FAT4: variants seen among roughly 807,000 people sequenced by gnomAD.
The protein encoded by FAT4 is protocadherin Fat 4.
FAT4 carries 84 observed loss-of-function variants against 303.9 expected under a neutral mutation model. The ratio of observed to expected loss-of-function variants is 0.28; its 90% CI spans 0.23 to 0.33. The LOEUF (loss-of-function observed/expected upper bound fraction) is 0.33. Ranked by LOEUF, FAT4 falls within the 10% of genes least tolerant of loss-of-function variation. FAT4 has a pLI of 1.00. For synonymous variants in FAT4, 2,307 were observed against 2,298.8 expected, an observed-to-expected ratio of 1.00 and a Z score of -0.10; for missense variants, 6,005 against 6,146.8, an observed-to-expected ratio of 0.98 and a Z score of 0.77.
intron 8 of FAT4, among the ~76,000 whole-genome samples, chr4:125,445,835 G>C (rs1481517688): frequency 6.6e-6 from 1 of 152,020 alleles, no homozygotes; most frequent in African/African-American, 2.4e-5. Context: ...GTCAAATACA[G>C]GTTTTGTCTT....
At chr4:125,401,845 A>G (rs1734401220) in intron 3 of FAT4, among the ~76,000 whole-genome samples, 1 of 151,878 alleles carries the variant, frequency 6.6e-6, no homozygotes, top group Non-Finnish European at 1.5e-5. Flanking sequence ...TTTGAAATTT[A>G]TAGCTATTTA....
At chr4:125,324,411 A>G (rs1002798376) in intron 2 of FAT4, among the ~76,000 whole-genome samples, 3 of 152,266 alleles carry the variant, frequency 2.0e-5, no homozygotes, top group Non-Finnish European at 2.9e-5. Flanking sequence ...GGTGCTCCAT[A>G]CATGTTTGCT....
At chr4:125,338,653 C>T (rs1431299979) in intron 2 of FAT4, among the ~76,000 whole-genome samples, 3 of 152,050 alleles carry the variant, frequency 2.0e-5, no homozygotes. Context: ...TAAAAGATTG[C>T]TGTGATGAAA....
chr4:125,346,867 A>C (rs1732022387), intron 2 of FAT4, among the ~76,000 whole-genome samples: 1 of 152,010 alleles, frequency 6.6e-6, no homozygotes, highest in Admixed American at 6.6e-5. Flanking sequence ...GAAGATTTAA[A>C]ACAAAGCTGT....
Position 125,491,397 on chromosome 4 carries a change from A to G in FAT4, c.14581A>G (p.Lys4861Glu). The G allele has an allele frequency of 1.9e-6, 3 of 1,614,144 alleles. No individual in the cohort carries two copies. Among genetic ancestry groups the G allele is most frequent in the Non-Finnish European group, 2.5e-6 (3 of 1,179,986 alleles). ...TCSEMEYDRE[K>E]PMVYTSRMPK... is the part of the protein sequence containing the mutation. ...CTCAGAAATGGAATATGACAGGGAGAAGCCAATGGTATATACTTCCAGAAT... is the reference window on the plus strand; with the variant it reads ...CTCAGAAATGGAATATGACAGGGAGGAGCCAATGGTATATACTTCCAGAAT... The change falls in exon 18 of 18, where the codon AAG becomes GAG. Residue 4861 changes from lysine to glutamate, a missense_variant. Lys to Glu is a moderately conservative substitution (Grantham distance 56). Transcript: ENST00000394329.
At chr4:125,383,970 A>G (rs1431400928) in intron 2 of FAT4, among the ~76,000 whole-genome samples, 2 of 152,218 alleles carry the variant, frequency 1.3e-5, no homozygotes, top group Admixed American at 6.5e-5. Context: ...TTCATTGAGC[A>G]TAAGAGGGAT....
chr4:125,382,621 A>C (rs2126000010), intron 2 of FAT4, among the ~76,000 whole-genome samples: 1 of 152,256 alleles, frequency 6.6e-6, no homozygotes, highest in African/African-American at 2.4e-5. Context: ...GAATGGTAAA[A>C]GATCAGTGGC....
chr4:125,435,182 TATG>T (rs1331768314), intron 8 of FAT4, among the ~76,000 whole-genome samples: 2 of 152,226 alleles, frequency 1.3e-5, no homozygotes, highest in Non-Finnish European at 2.9e-5. Context: ...AGAACACAAA[TATG>T]ATAACTTGTT....
intron 12 of FAT4, among the ~76,000 whole-genome samples, chr4:125,473,246 C>G (rs1486707057): frequency 6.6e-6 from 1 of 151,938 alleles, no homozygotes; most frequent in Non-Finnish European, 1.5e-5. Flanking sequence ...CCACATATAA[C>G]CTTTTGAAGT....
chr4:125,324,317 C>A, intron 2 of FAT4, among the ~76,000 whole-genome samples: 1 of 145,452 alleles, frequency 6.9e-6, no homozygotes, highest in Middle Eastern at 3.4e-3. Flanking sequence ...AACTTAGGAA[C>A]GTGGTTAGAC....
At position 125,488,753 on chromosome 4, in the gene FAT4, G is replaced by A. The variant is rs538070485; in HGVS notation, c.13084+1147G>A. Among the ~76,000 whole-genome samples, 20 of 152,246 alleles carry A rather than the reference G, an allele frequency of 1.3e-4. 1 individual carries two copies. The highest frequency in any genetic ancestry group is 4.3e-4 in the African/African-American group (18 of 41,554). On this transcript the variant is annotated intron_variant, in intron 17 of 17. Transcript: ENST00000394329. ...ATGGATGGGCTGGAAATCAGAAATA[G>A]ACTTTAGCTGGAAATATATATTTAA... is the stretch of plus-strand genomic sequence containing the variant.
chr4:125,487,382 G>T lies in FAT4; in HGVS notation c.12860G>T (p.Gly4287Val). Residue 4287 changes from glycine (G) to valine (V), a missense_variant, in exon 17 of 18, where the codon GGA (glycine) becomes GTA (valine). Gly to Val is a moderately radical substitution (Grantham distance 109). Coordinates refer to ENST00000394329, the MANE Select transcript of FAT4 (RefSeq NM_001291303.3). ...NGKVYFTSDA[G>V]IAGKVERNIP... ...AAAGTATATTTTACATCCGATGCAG[G>T]AATTGCTGGGAAAGTGGAGAGAAAT... 1 of 1,613,850 alleles carries T rather than the reference G, an allele frequency of 6.2e-7. No individual in the cohort carries two copies. The highest frequency in any genetic ancestry group is 1.1e-5 in the South Asian group (1 of 91,048).
intron 2 of FAT4, among the ~76,000 whole-genome samples, chr4:125,324,451 A>G (rs1731077061): frequency 6.6e-6 from 1 of 152,174 alleles, no homozygotes; most frequent in Non-Finnish European, 1.5e-5. Flanking sequence ...CTAAGATCAG[A>G]ACATATGTCT....
chr4:125,451,618 C>T lies in FAT4; in HGVS notation c.10608C>T (p.Asp3536=). The change falls in exon 10 of 18, where the codon GAC becomes GAT. Residue 3536 remains aspartate (D), a synonymous_variant. Transcript: ENST00000394329. The part of the protein sequence containing the change: ...GTLVMTLQST[D]PDLPPNQGPF... Reference sequence around the variant, plus strand: ...TGGTGATGACCCTTCAGTCCACTGACCCTGATCTCCCTCCAAATCAAGGTC... The same window carrying T: ...TGGTGATGACCCTTCAGTCCACTGATCCTGATCTCCCTCCAAATCAAGGTC... The T allele has an allele frequency of 6.2e-7, 1 of 1,614,110 alleles. No homozygotes were observed. The highest frequency in any genetic ancestry group is 2.2e-5 in the East Asian group (1 of 44,858).
intron 9 of FAT4, among the ~76,000 whole-genome samples, chr4:125,447,097 T>G (rs1725852542): frequency 6.6e-6 from 1 of 152,160 alleles, no homozygotes; most frequent in Non-Finnish European, 1.5e-5. Flanking sequence ...TTAGCAAGTT[T>G]ATGGATCCAT....
intron 2 of FAT4, among the ~76,000 whole-genome samples, chr4:125,386,575 T>C (rs2126003040): frequency 6.6e-6 from 1 of 152,160 alleles, no homozygotes; most frequent in African/African-American, 2.4e-5. Context: ...TGGCCCTGAG[T>C]TTAGAAAAAT....
Position 125,416,524 on chromosome 4 carries a change from C to T in FAT4, c.6920C>T (p.Ala2307Val), listed in dbSNP as rs1478619435. 1.9e-6 allele frequency: 3 copies of T among 1,613,830 alleles called. No individual in the cohort carries two copies. Among genetic ancestry groups the T allele is most frequent in the East Asian group, 4.5e-5 (2 of 44,896 alleles). Residue 2307 changes from alanine to valine, a missense_variant, in exon 7 of 18, where the codon GCT (alanine) becomes GTT (valine). Physicochemically the swap from Ala to Val is moderately conservative, Grantham distance 64. Transcript: ENST00000394329. ...CTGTTTGGTGGTAATGAAGACAATG[C>T]TTTTACTCTCTCAGCCAGTGGAGAA... is the stretch of plus-strand genomic sequence containing the variant. ...YVLFGGNEDN[A>V]FTLSASGELG...
At position 125,348,785 on chromosome 4, in the gene FAT4, T is replaced by C. The variant is rs904078722; in HGVS notation, c.5175+27199T>C. Among the ~76,000 whole-genome samples, 16 of 151,720 alleles carry C rather than the reference T, an allele frequency of 1.1e-4. 1 individual carries two copies. Among genetic ancestry groups the C allele is most frequent in the Admixed American group, 3.3e-4 (5 of 15,170 alleles). ...AGCCGACATCTTTTTCCTAAAAGGGTGTGCTGAGTTTATTATGAAATTAAA... is the reference window on the plus strand; with the variant it reads ...AGCCGACATCTTTTTCCTAAAAGGGCGTGCTGAGTTTATTATGAAATTAAA... On this transcript the variant is annotated intron_variant, in intron 2 of 17. Coordinates refer to ENST00000394329, the MANE Select transcript of FAT4 (RefSeq NM_001291303.3).
At chr4:125,343,973 G>A (rs1292246343) in intron 2 of FAT4, among the ~76,000 whole-genome samples, 3 of 152,232 alleles carry the variant, frequency 2.0e-5, no homozygotes, top group Middle Eastern at 3.4e-3. Flanking sequence ...TAAAGACTTG[G>A]TATGGGATGT....
Sources: allele counts gnomAD v4.1 joint callset (sites outside exome capture counted in the v4.1 genomes callset), GRCh38; gene constraint gnomAD v4.1.1; transcripts MANE v1.5; gene names NCBI Gene and HGNC (gene_info 2026-07-23, HGNC 2026-07-21).